TGS1: variants seen among roughly 807,000 people sequenced by gnomAD.
TGS1 encodes trimethylguanosine synthase.
A neutral mutation model predicts 92.2 loss-of-function variants in TGS1; 69 were observed. That is an observed-to-expected ratio of 0.75 (90% CI 0.62 to 0.91). TGS1 has a LOEUF of 0.91. Among genes scored for constraint, TGS1 ranks in the 40% least tolerant of loss-of-function variants. TGS1 has a pLI of 0.00. For missense variants in TGS1, 1,062 were observed against 1,001.2 expected, an observed-to-expected ratio of 1.06 and a Z score of -0.82; for synonymous variants, 345 against 338.1, an observed-to-expected ratio of 1.02 and a Z score of -0.22.
intron 12 of TGS1, among the ~76,000 whole-genome samples, chr8:55,819,626 C>A (rs942465500): frequency 6.6e-6 from 1 of 151,974 alleles, no homozygotes; most frequent in Non-Finnish European, 1.5e-5. Context: ...GACCTGCCAC[C>A]AGGTGCTCCT....
chr8:55,824,999 G>A lies in TGS1; in HGVS notation c.*296G>A, dbSNP rs141319156. ...TGCAGTGCCATGATCACAGCTCACTGCAGGTTCAGCCTTCTGAGTTCAAGC... is the reference window on the plus strand; with the variant it reads ...TGCAGTGCCATGATCACAGCTCACTACAGGTTCAGCCTTCTGAGTTCAAGC... On this transcript the variant is annotated 3_prime_UTR_variant, in exon 13 of 13. Transcript: ENST00000260129. 4.0e-4 allele frequency: 93 copies of A among 234,364 alleles called. No individual in the cohort carries two copies. The highest frequency in any genetic ancestry group is 2.0e-3 in the African/African-American group (87 of 43,166). The allele number at this position is 234,364 out of a possible 1,614,324, so 14.5% of individuals were successfully genotyped here.
intron 7 of TGS1, among the ~76,000 whole-genome samples, chr8:55,798,221 A>C (rs1480277711): frequency 6.6e-6 from 1 of 152,160 alleles, no homozygotes; most frequent in Non-Finnish European, 1.5e-5. Flanking sequence ...CATGTCTACC[A>C]CTTCATTCTA....
At chr8:55,803,128 G>GA (rs1563462647) in intron 9 of TGS1, among the ~76,000 whole-genome samples, 3 of 144,152 alleles carry the variant, frequency 2.1e-5, no homozygotes, top group Non-Finnish European at 4.6e-5. Flanking sequence ...TCAATTTGGG[G>GA]GGGTGTGTGT....
rs1263518498 is a variant in TGS1, at chr8:55,776,429, C to T, written c.101+2710C>T. ...CCAAGTAGCTGGGAATACAGGCGCCCGCCACAATGTCCAGCTAATTTTTTG... is the reference window on the plus strand; with the variant it reads ...CCAAGTAGCTGGGAATACAGGCGCCTGCCACAATGTCCAGCTAATTTTTTG... On this transcript the variant is annotated intron_variant, in intron 1 of 12. Transcript: ENST00000260129. Among the ~76,000 whole-genome samples, 7 of 152,098 alleles carry T rather than the reference C, an allele frequency of 4.6e-5. No homozygotes were observed. In the East Asian group the frequency reaches 1.4e-3, roughly 29 times the overall value.
chr8:55,819,457 C>T (rs529671402), intron 12 of TGS1, among the ~76,000 whole-genome samples: 8 of 151,590 alleles, frequency 5.3e-5, no homozygotes, highest in Admixed American at 2.6e-4. Context: ...CCACTATGCC[C>T]GGCTAATTTT....
rs747236838 is a variant in TGS1, at chr8:55,773,577, G to C, written c.-42G>C. Reference sequence around the variant, plus strand: ...AACCGAGCGGAGGCCCGGCAGGCGCGACCCGGGCTGCGTACGTCAGAGCTG... The same window carrying C: ...AACCGAGCGGAGGCCCGGCAGGCGCCACCCGGGCTGCGTACGTCAGAGCTG... On this transcript the variant is annotated 5_prime_UTR_variant, in exon 1 of 13. Transcript: ENST00000260129. The C allele has an allele frequency of 3.2e-5, 48 of 1,523,048 alleles. No individual in the cohort carries two copies. The highest frequency in any genetic ancestry group is 4.2e-5 in the Non-Finnish European group (47 of 1,113,622). 94.3% of individuals were successfully genotyped at this position (1,523,048 alleles called of 1,614,324 possible).
chr8:55,812,724 T>C (rs1803371124), intron 11 of TGS1, among the ~76,000 whole-genome samples: 1 of 151,986 alleles, frequency 6.6e-6, no homozygotes, highest in Non-Finnish European at 1.5e-5. Context: ...TCAAAAATAA[T>C]AAAATTAAAA....
In TGS1 at chr8:55,824,586, A is replaced by C; in HGVS notation, c.2445A>C (p.Ala815=). ...TCTTCTGTTCATCTTTTTAGGTGGC[A>C]TCCTTAGCTGGGCCTGGAGGGCAAG... ...LPRNADIDQV[A]SLAGPGGQVE... is the part of the protein sequence containing the mutation. Residue 815 remains alanine, a synonymous_variant, in exon 13 of 13, where the codon GCA becomes GCC. Coordinates refer to ENST00000260129, the MANE Select transcript of TGS1 (RefSeq NM_024831.8). The C allele has an allele frequency of 6.2e-7, 1 of 1,614,186 alleles. No homozygotes were observed. Among genetic ancestry groups the C allele is most frequent in the Non-Finnish European group, 8.5e-7 (1 of 1,180,020 alleles).
chr8:55,805,453 A>G (rs2130200903), intron 10 of TGS1, among the ~76,000 whole-genome samples: 1 of 152,344 alleles, frequency 6.6e-6, no homozygotes, highest in Non-Finnish European at 1.5e-5. Flanking sequence ...CTACCATAAA[A>G]TATGCACAAA....
intron 1 of TGS1, among the ~76,000 whole-genome samples, chr8:55,782,154 A>C (rs1811583997): frequency 1.3e-4 from 1 of 7,936 alleles, no homozygotes; most frequent in Non-Finnish European, 2.7e-4. Flanking sequence ...CACTTTATTT[A>C]TTTATTTATT....
intron 8 of TGS1, among the ~76,000 whole-genome samples, chr8:55,802,067 G>A (rs1012763785): frequency 2.6e-5 from 4 of 152,098 alleles, no homozygotes; most frequent in Middle Eastern, 3.2e-3. Flanking sequence ...GGTGACGGGC[G>A]CCTGTAGTCC....
rs112797328 is a variant in TGS1, at chr8:55,801,902, AT to A, written c.1850-553del. ...CTCATTCCTTTTATAGGAATTAATA[AT>A]TGGAGTTTAGGCCAGGCACAGTGGC... On this transcript the variant is annotated intron_variant, in intron 8 of 12. Coordinates refer to ENST00000260129, the MANE Select transcript of TGS1 (RefSeq NM_024831.8). 5.9e-3 allele frequency among the ~76,000 whole-genome samples: 888 copies of A among 151,320 alleles called. 4 individuals carry two copies. The highest frequency in any genetic ancestry group is 0.02 in the African/African-American group (833 of 41,326).
chr8:55,803,872 C>T (rs138098285), intron 9 of TGS1, among the ~76,000 whole-genome samples: 166 of 151,962 alleles, frequency 1.1e-3, no homozygotes, highest in African/African-American at 3.9e-3. Context: ...TTTGTAGAGA[C>T]AGGGTTTTGC....
At chr8:55,790,342 A>G (rs763758601) in intron 5 of TGS1, 43 bp downstream of exon 5, 1 of 1,315,858 alleles carries the variant, frequency 7.6e-7, no homozygotes, top group South Asian at 1.2e-5. Flanking sequence ...TGTTAGAGTA[A>G]GCATTTGTAT....
At chr8:55,820,117 CTG>C (rs1803592387) in intron 12 of TGS1, among the ~76,000 whole-genome samples, 1 of 152,144 alleles carries the variant, frequency 6.6e-6, no homozygotes, top group Non-Finnish European at 1.5e-5. Context: ...TCTGATGTTT[CTG>C]TGTCTTTCTT....
chr8:55,797,175 C>T (rs1179040076), intron 7 of TGS1, among the ~76,000 whole-genome samples: 5 of 152,218 alleles, frequency 3.3e-5, no homozygotes, highest in Middle Eastern at 3.4e-3. Context: ...GGGGAGGCCT[C>T]AGAAAACTTA....
intron 12 of TGS1, among the ~76,000 whole-genome samples, chr8:55,814,536 A>G (rs1803420547): frequency 6.6e-6 from 1 of 151,724 alleles, no homozygotes; most frequent in South Asian, 2.1e-4. Flanking sequence ...AGTTATAAGA[A>G]AAAGGGGCTG....
In TGS1 at chr8:55,786,964, G is replaced by C. The variant is rs1254625143; in HGVS notation, c.1066G>C (p.Glu356Gln). The change falls in exon 4 of 13, where the codon GAG becomes CAG. Residue 356 changes from glutamate to glutamine, a missense_variant. Transcript: ENST00000260129. Reference protein sequence around the residue: ...QQLSEVSSKRECPASGQSEPR... With the variant: ...QQLSEVSSKRQCPASGQSEPR... ...GCTAAGTGAAGTTAGTAGCAAAAGAGAGTGCCCTGCTTCCGGCCAAAGTGA... is the reference window on the plus strand; with the variant it reads ...GCTAAGTGAAGTTAGTAGCAAAAGACAGTGCCCTGCTTCCGGCCAAAGTGA... 5.6e-6 allele frequency: 9 copies of C among 1,614,032 alleles called. No individual in the cohort carries two copies. The highest frequency in any genetic ancestry group is 1.7e-5 in the Admixed American group (1 of 59,994).
chr8:55,775,510 G>GAGAA (rs139216427), intron 1 of TGS1, among the ~76,000 whole-genome samples: 23 of 152,236 alleles, frequency 1.5e-4, no homozygotes, highest in African/African-American at 4.8e-4. Context: ...AGCAGAAATG[G>GAGAA]AGAAAGAAAG....
Sources: allele counts gnomAD v4.1 joint callset (sites outside exome capture counted in the v4.1 genomes callset), GRCh38; gene constraint gnomAD v4.1.1; transcripts MANE v1.5; gene names NCBI Gene and HGNC (gene_info 2026-07-23, HGNC 2026-07-21).